GPC5: variants seen among roughly 807,000 people sequenced by gnomAD.
The protein encoded by GPC5 is glypican 5.
Under a neutral mutation model 53.9 loss-of-function variants are expected in GPC5, and 47 were observed. That is an observed-to-expected ratio of 0.87 (90% confidence interval 0.69 to 1.11). GPC5 has a LOEUF of 1.11. Ranked by LOEUF, GPC5 falls within the 50% of genes most tolerant of loss-of-function variation. The pLI is 0.00. For synonymous variants in GPC5, 286 were observed against 263.3 expected (o/e 1.09, Z -0.84); for missense variants, 748 against 713.1 (o/e 1.05, Z -0.56).
chr13:92,227,989 ATAT>A (rs1271437638), intron 7 of GPC5, among the ~76,000 whole-genome samples: 1 of 152,108 alleles, frequency 6.6e-6, no homozygotes, highest in African/African-American at 2.4e-5. Context: ...TAGAGAAAAT[ATAT>A]TATTTAAAAG....
intron 7 of GPC5, among the ~76,000 whole-genome samples, chr13:92,349,714 ACCAAT>A (rs2043459820): frequency 2.6e-5 from 4 of 152,078 alleles, no homozygotes; most frequent in Admixed American, 6.6e-5. Context: ...ATCTGAAATG[ACCAAT>A]AAGAAGTAAG....
intron 5 of GPC5, among the ~76,000 whole-genome samples, chr13:91,764,830 G>T (rs1220146251): frequency 6.6e-6 from 1 of 152,174 alleles, no homozygotes; most frequent in East Asian, 1.9e-4. Context: ...AAGAAGAAGT[G>T]AGAGAAGAAA....
chr13:92,414,525 A>G (rs1438887129), intron 7 of GPC5, among the ~76,000 whole-genome samples: 4 of 149,734 alleles, frequency 2.7e-5, no homozygotes, highest in African/African-American at 9.8e-5. Flanking sequence ...AAAAAAAATC[A>G]AACTTTTATG....
chr13:92,764,996 T>G (rs1281884530), intron 7 of GPC5, among the ~76,000 whole-genome samples: 1 of 152,152 alleles, frequency 6.6e-6, no homozygotes, highest in Admixed American at 6.6e-5. Flanking sequence ...ATTGCAAAAA[T>G]ACCTCCTGGC....
At chr13:91,741,105 C>A (rs1456768336) in intron 4 of GPC5, among the ~76,000 whole-genome samples, 1 of 151,994 alleles carries the variant, frequency 6.6e-6, no homozygotes, top group Admixed American at 6.6e-5. Context: ...GTCCTAGGTG[C>A]TTAGTAAAAA....
chr13:91,813,883 A>G (rs1171985958), intron 5 of GPC5, among the ~76,000 whole-genome samples: 3 of 145,396 alleles, frequency 2.1e-5, no homozygotes, highest in African/African-American at 7.6e-5. Flanking sequence ...ACTGGTTTTG[A>G]TAAGATAATA....
At chr13:92,342,453 T>G (rs940754341) in intron 7 of GPC5, among the ~76,000 whole-genome samples, 1 of 151,914 alleles carries the variant, frequency 6.6e-6, no homozygotes, top group Non-Finnish European at 1.5e-5. Flanking sequence ...GAGTCATGAG[T>G]CCTCCGCCCT....
chr13:91,948,863 T>C (rs2040000303), intron 6 of GPC5, among the ~76,000 whole-genome samples: 1 of 152,198 alleles, frequency 6.6e-6, no homozygotes, highest in Non-Finnish European at 1.5e-5. Flanking sequence ...TTAGTATGCT[T>C]TGTTAGTGTA....
At chr13:92,051,630 T>A (rs887648168) in intron 6 of GPC5, among the ~76,000 whole-genome samples, 1 of 152,224 alleles carries the variant, frequency 6.6e-6, no homozygotes, top group African/African-American at 2.4e-5. Context: ...TAAATAGATA[T>A]ACATTTTGAC....
At chr13:92,818,027 T>TC (rs1877539443) in intron 7 of GPC5, among the ~76,000 whole-genome samples, 3 of 142,330 alleles carry the variant, frequency 2.1e-5, no homozygotes, top group African/African-American at 8.3e-5. Context: ...TTTTTTTTTT[T>TC]CTTGAGATGG....
chr13:91,733,852 T>C (rs913089422), intron 4 of GPC5, among the ~76,000 whole-genome samples: 1 of 152,208 alleles, frequency 6.6e-6, no homozygotes, highest in Admixed American at 6.5e-5. Flanking sequence ...CGGCCAGAAC[T>C]TCCAATACTG....
At chr13:92,180,919 T>C (rs1199126779) in intron 7 of GPC5, 8 of 154,532 alleles carry the variant, frequency 5.2e-5, no homozygotes, top group African/African-American at 9.6e-5. Flanking sequence ...AGTGAGTAGA[T>C]AGTGCTTTTA....
intron 7 of GPC5, among the ~76,000 whole-genome samples, chr13:92,464,198 A>G (rs1160124411): frequency 1.3e-5 from 2 of 152,188 alleles, no homozygotes; most frequent in Non-Finnish European, 2.9e-5. Context: ...GCTTTGGTGC[A>G]GACGACATAT....
intron 5 of GPC5, among the ~76,000 whole-genome samples, chr13:91,866,843 A>C (rs1195715487): frequency 2.0e-5 from 3 of 152,200 alleles, no homozygotes; most frequent in Non-Finnish European, 4.4e-5. Flanking sequence ...GTGACTTTAA[A>C]TGTGCTTTAA....
chr13:91,963,078 T>A (rs894747273), intron 6 of GPC5, among the ~76,000 whole-genome samples: 30 of 152,168 alleles, frequency 2.0e-4, no homozygotes, highest in Non-Finnish European at 4.1e-4. Context: ...TTACTATGTG[T>A]CTTTGGGCAG....
chr13:92,834,499 G>C (rs1236772431), intron 7 of GPC5, among the ~76,000 whole-genome samples: 1 of 152,040 alleles, frequency 6.6e-6, no homozygotes, highest in African/African-American at 2.4e-5. Context: ...TATAAAGTTA[G>C]ACTATAATCA....
intron 6 of GPC5, among the ~76,000 whole-genome samples, chr13:91,913,788 G>A (rs2039633276): frequency 6.6e-6 from 1 of 152,130 alleles, no homozygotes; most frequent in South Asian, 2.1e-4. Flanking sequence ...GCATTCCAAA[G>A]CCTGTTTCTG....
At chr13:92,294,803 C>CTGTT (rs150038555) in intron 7 of GPC5, among the ~76,000 whole-genome samples, 11,978 of 137,908 alleles carry the variant, frequency 0.087, 573 homozygotes, top group Middle Eastern at 0.13. Flanking sequence ...TCTGTTTGTG[C>CTGTT]TGTTTCTTTC....
At chr13:92,208,062 T>C (rs2042350033) in intron 7 of GPC5, among the ~76,000 whole-genome samples, 1 of 152,174 alleles carries the variant, frequency 6.6e-6, no homozygotes, top group Non-Finnish European at 1.5e-5. Flanking sequence ...CCCTAGAAGG[T>C]GCAGGAGGAA....
Sources: gnomAD v4.1 joint callset for allele counts (sites outside exome capture counted in the v4.1 genomes callset) on GRCh38, gnomAD v4.1.1 for gene constraint, MANE v1.5 for transcripts, NCBI Gene and HGNC (gene_info 2026-07-23, HGNC 2026-07-21) for gene names.